Variants in SLC44A5 observed in about 807,000 individuals in gnomAD.
The protein encoded by SLC44A5 is solute carrier family 44 member 5.
A neutral mutation model predicts 101.8 loss-of-function variants in SLC44A5; 57 were observed. The ratio of observed to expected loss-of-function variants is 0.56; its 90% CI spans 0.45 to 0.70. The LOEUF (loss-of-function observed/expected upper bound fraction) is 0.70. Among genes scored for constraint, SLC44A5 ranks in the 30% least tolerant of loss-of-function variants. SLC44A5 has a pLI of 0.00. For synonymous variants in SLC44A5, 281 were observed against 290.9 expected (o/e 0.97, Z 0.35); for missense variants, 737 against 853.1 (o/e 0.86, Z 1.70).
At chr1:75,715,756 A>G in the SLC44A5 span, among the ~76,000 whole-genome samples, 1 of 152,202 alleles carries the variant, frequency 6.6e-6, no homozygotes, top group African/African-American at 2.4e-5. Context: ...CATGACAAAG[A>G]CGACAAAAAC....
intron 3 of SLC44A5, among the ~76,000 whole-genome samples, chr1:75,383,334 G>A (rs1387103736): frequency 6.4e-5 from 9 of 140,026 alleles, no homozygotes; most frequent in Admixed American, 1.5e-4. Context: ...TATGCTGAAC[G>A]CTGGTTCCCC....
intron 2 of SLC44A5, among the ~76,000 whole-genome samples, chr1:75,475,753 T>C (rs1164255317): frequency 6.6e-6 from 1 of 152,232 alleles, no homozygotes; most frequent in Non-Finnish European, 1.5e-5. Context: ...AGTATATGTG[T>C]TTAAGAGTGA....
rs1328612874 is a variant in SLC44A5, at chr1:75,536,867, G to C, written c.13+4568C>G. Among the ~76,000 whole-genome samples the C allele has an allele frequency of 7.2e-5, 10 of 138,614 alleles. No homozygotes were observed. The Admixed American group carries it at 7.2e-4, about 10-fold the overall frequency. 90.9% of individuals were successfully genotyped at this position (138,614 alleles called of 152,430 possible). ...TAAAAATACAAAAAATTAGCCGGGC[G>C]TAGTGGCGGGCGCCTGTAGTCCCAG... On this transcript the variant is annotated intron_variant, in intron 2 of 23. Coordinates refer to ENST00000370859, the MANE Select transcript of SLC44A5 (RefSeq NM_001130058.2).
chr1:75,349,981 G>T (rs1658522637), intron 3 of SLC44A5, among the ~76,000 whole-genome samples: 1 of 151,976 alleles, frequency 6.6e-6, no homozygotes, highest in African/African-American at 2.4e-5. Context: ...AATAAACATA[G>T]ACCAGTCTGG....
At chr1:75,476,090 T>A (rs1400095494) in intron 2 of SLC44A5, among the ~76,000 whole-genome samples, 1 of 151,830 alleles carries the variant, frequency 6.6e-6, no homozygotes, top group African/African-American at 2.4e-5. Context: ...GGCTGAGGCA[T>A]GAGAATCGCT....
At chr1:75,511,966 A>G (rs746329019) in intron 2 of SLC44A5, among the ~76,000 whole-genome samples, 18 of 152,192 alleles carry the variant, frequency 1.2e-4, no homozygotes, top group Non-Finnish European at 1.8e-4. Flanking sequence ...TGACTGCAGA[A>G]GGCCACGAAA....
At chr1:75,699,100 C>T in the SLC44A5 span, among the ~76,000 whole-genome samples, 6 of 152,122 alleles carry the variant, frequency 3.9e-5, no homozygotes, top group African/African-American at 9.7e-5. Context: ...TCCAGGAGAA[C>T]TTCCCCAATC....
At chr1:75,256,232 C>CTACAATT (rs1650012031) in intron 6 of SLC44A5, among the ~76,000 whole-genome samples, 1 of 151,994 alleles carries the variant, frequency 6.6e-6, no homozygotes, top group South Asian at 2.1e-4. Flanking sequence ...TGCAATAGGC[C>CTACAATT]TACAATTTAC....
the SLC44A5 span, among the ~76,000 whole-genome samples, chr1:75,694,341 G>A: frequency 1.6e-4 from 25 of 151,964 alleles, no homozygotes; most frequent in Middle Eastern, 3.4e-3. Context: ...TATTCTGATT[G>A]CTTCAATTTT....
intron 2 of SLC44A5, among the ~76,000 whole-genome samples, chr1:75,541,207 A>G (rs1671337432): frequency 6.6e-6 from 1 of 152,144 alleles, no homozygotes; most frequent in African/African-American, 2.4e-5. Context: ...AATCACTGCT[A>G]TAGGGAGTCC....
the SLC44A5 span, among the ~76,000 whole-genome samples, chr1:75,654,735 T>G: frequency 6.6e-6 from 1 of 152,106 alleles, no homozygotes; most frequent in African/African-American, 2.4e-5. Context: ...CCATAATACA[T>G]GGGCAAAAAT....
intron 5 of SLC44A5, among the ~76,000 whole-genome samples, chr1:75,276,379 T>A (rs1279604769): frequency 6.6e-6 from 1 of 152,208 alleles, no homozygotes; most frequent in African/African-American, 2.4e-5. Context: ...TTTGGCTAAA[T>A]CTAAGAAAGA....
intron 6 of SLC44A5, among the ~76,000 whole-genome samples, chr1:75,269,981 A>T (rs962935624): frequency 1.3e-5 from 2 of 152,088 alleles, no homozygotes; most frequent in African/African-American, 4.8e-5. Context: ...ATGGTTTCAT[A>T]AGGGGAAACC....
chr1:75,502,532 C>A (rs913114977), intron 2 of SLC44A5, among the ~76,000 whole-genome samples: 2 of 151,500 alleles, frequency 1.3e-5, no homozygotes, highest in Non-Finnish European at 2.9e-5. Context: ...ATTTCAAGAT[C>A]TCTACTTTCT....
intron 2 of SLC44A5, among the ~76,000 whole-genome samples, chr1:75,488,355 G>A (rs1422856266): frequency 6.6e-6 from 1 of 152,100 alleles, no homozygotes; most frequent in East Asian, 1.9e-4. Flanking sequence ...ACAACATATT[G>A]CTGTACTGAA....
chr1:75,272,972 G>T (rs371717574), intron 6 of SLC44A5, among the ~76,000 whole-genome samples: 13 of 152,200 alleles, frequency 8.5e-5, no homozygotes, highest in African/African-American at 2.9e-4. Flanking sequence ...GCTTTTGGCA[G>T]TATGGTCATT....
intron 2 of SLC44A5, among the ~76,000 whole-genome samples, chr1:75,520,055 C>G (rs1670035084): frequency 2.0e-5 from 3 of 152,220 alleles, no homozygotes; most frequent in Non-Finnish European, 4.4e-5. Context: ...CCATTTTTAT[C>G]ACACTCTGAA....
chr1:75,705,441 A>G, the SLC44A5 span, among the ~76,000 whole-genome samples: 1 of 152,160 alleles, frequency 6.6e-6, no homozygotes, highest in South Asian at 2.1e-4. Flanking sequence ...AGGGTGGTTG[A>G]TAGTTTATTC....
At chr1:75,715,181 G>T in the SLC44A5 span, among the ~76,000 whole-genome samples, 1 of 152,174 alleles carries the variant, frequency 6.6e-6, no homozygotes. Flanking sequence ...CATGCTCATG[G>T]ATAGGAAGAA....
Sources: gnomAD v4.1 joint callset for allele counts (sites outside exome capture counted in the v4.1 genomes callset) on GRCh38, gnomAD v4.1.1 for gene constraint, MANE v1.5 for transcripts, NCBI Gene and HGNC (gene_info 2026-07-23, HGNC 2026-07-21) for gene names.